The following AGRN variants were observed in gnomAD, a reference collection of about 807,000 sequenced individuals.
AGRN encodes agrin proteoglycan.
A neutral mutation model predicts 211.0 loss-of-function variants in AGRN; 106 were observed. The observed-to-expected ratio is 0.50, with a 90% CI of 0.43 to 0.59. The LOEUF (loss-of-function observed/expected upper bound fraction) is 0.59. Among genes scored for constraint, AGRN ranks in the 20% least tolerant of loss-of-function variants. The probability of loss-of-function intolerance (pLI) is 0.00; values close to 1 mark genes in which losing one functional copy is unlikely to be tolerated. For missense variants in AGRN, 3,040 were observed against 2,982.6 expected (o/e 1.02, Z -0.45); for synonymous variants, 1,525 against 1,332.5 (o/e 1.14, Z -3.15).
rs182330925 is a variant in AGRN, at chr1:1,021,117, T to A, written c.201+744T>A. On this transcript the variant is annotated intron_variant, in intron 1 of 35. Coordinates refer to ENST00000379370, the MANE Select transcript of AGRN (RefSeq NM_198576.4). ...CAAAACCATCTCCTGGGACCAGAAA[T>A]CCACTCATTTCCCTCCACGGAGGTG... 2.1e-3 allele frequency among the ~76,000 whole-genome samples: 314 copies of A among 152,212 alleles called. 6 individuals carry two copies. The highest frequency in any genetic ancestry group is 0.02 in the Admixed American group (307 of 15,306).
chr1:1,052,424 A>G, intron 33 of AGRN: 1 of 304,410 alleles, frequency 3.3e-6, no homozygotes, highest in South Asian at 2.8e-5. Flanking sequence ...TGGGGGGGAC[A>G]TGTAGATATG....
chr1:1,029,628 CAT>C lies in AGRN; in HGVS notation c.464-5648_464-5647del, dbSNP rs749984630. On this transcript the variant is annotated intron_variant, in intron 2 of 35. Transcript: ENST00000379370. ...GCAGTGCATGGTGCTGTGAGATCAG[CAT>C]GTGTGTGTGTGTGTGCAGTGCATGG... Among the ~76,000 whole-genome samples the C allele has an allele frequency of 1.7e-3, 163 of 94,112 alleles. 25 individuals carry two copies. Among genetic ancestry groups the C allele is most frequent in the Middle Eastern group, 0.016 (3 of 184 alleles). 61.7% of individuals were successfully genotyped at this position (94,112 alleles called of 152,430 possible).
chr1:1,034,782 G>A, intron 2 of AGRN: 1 of 937,682 alleles, frequency 1.1e-6, no homozygotes, highest in Non-Finnish European at 1.3e-6. Flanking sequence ...GGAGGCCGCG[G>A]CGGGTCCGCG....
At position 1,053,966 on chromosome 1, in the gene AGRN, C is replaced by T. The variant is rs763082192; in HGVS notation, c.5865C>T (p.Val1955=). Residue 1955 remains valine, a synonymous_variant, in exon 34 of 36, where the codon GTC becomes GTT. Coordinates refer to ENST00000379370, the MANE Select transcript of AGRN (RefSeq NM_198576.4). ...TCAACACCAACCGCTGGTTGCGGGTCGTGGCACATAGGTGAGTAGGGAACC... is the reference window on the plus strand; with the variant it reads ...TCAACACCAACCGCTGGTTGCGGGTTGTGGCACATAGGTGAGTAGGGAACC... ...VPVNTNRWLR[V]VAHREQREGS... is the part of the protein sequence containing the mutation. 17 of 1,600,344 alleles carry T rather than the reference C, an allele frequency of 1.1e-5. No individual in the cohort carries two copies. Among genetic ancestry groups the T allele is most frequent in the Middle Eastern group, 1.9e-4 (1 of 5,152 alleles).
intron 2 of AGRN, among the ~76,000 whole-genome samples, chr1:1,027,181 G>T (rs1309343007): frequency 6.6e-6 from 1 of 152,242 alleles, no homozygotes; most frequent in African/African-American, 2.4e-5. Flanking sequence ...GAAGGGGCGT[G>T]CTGTGTCCTA....
chr1:1,020,264 GC>G lies in AGRN; in HGVS notation c.95del (p.Pro32ArgfsTer43). 1 of 1,467,158 alleles carries G rather than the reference GC, an allele frequency of 6.8e-7. No individual in the cohort carries two copies. Among genetic ancestry groups the G allele is most frequent in the South Asian group, 1.3e-5 (1 of 77,010 alleles). 90.9% of individuals were successfully genotyped at this position (1,467,158 alleles called of 1,614,324 possible). On this transcript the variant is annotated frameshift_variant, in exon 1 of 36. Transcript: ENST00000379370. LOFTEE classifies it high-confidence loss of function. ...ACVLPGAGGT[C>X]PERALERREE... ...GTCCTGCCCGGAGCCGGCGGGACAT[GC>G]CCGGAGCGCGCGCTGGAGCGGCGCG...
intron 3 of AGRN, among the ~76,000 whole-genome samples, chr1:1,038,409 T>C (rs1644851661): frequency 6.6e-6 from 1 of 152,192 alleles, no homozygotes; most frequent in African/African-American, 2.4e-5. Flanking sequence ...TAGGCTCCCA[T>C]CCCAGAGCTT....
chr1:1,022,070 T>C, intron 1 of AGRN, 131 bp from the exon 2 acceptor site: 1 of 1,202,222 alleles, frequency 8.3e-7, no homozygotes. Context: ...GCGGGCTGAC[T>C]CAGAGGTCTC....
chr1:1,041,437 C>T, intron 5 of AGRN, 40 bp downstream of exon 5: 5 of 1,553,102 alleles, frequency 3.2e-6, no homozygotes, highest in East Asian at 2.4e-5. Flanking sequence ...GCTCTGTGGG[C>T]GCGCGGCGAC....
At chr1:1,051,884 A>C in intron 33 of AGRN, 69 bp downstream of exon 33, 2 of 1,591,878 alleles carry the variant, frequency 1.3e-6, no homozygotes, top group Non-Finnish European at 1.7e-6. Context: ...GGACCCCCAC[A>C]CCAGGAGGGC....
chr1:1,035,180 G>GC (rs1378078297), intron 2 of AGRN, 97 bp from the exon 3 acceptor site: 1 of 1,183,486 alleles, frequency 8.4e-7, no homozygotes, highest in African/African-American at 1.6e-5. Context: ...GGGGGGGGGG[G>GC]GGTGGGCAGG....
chr1:1,041,210 C>T lies in AGRN; in HGVS notation c.765C>T (p.Phe255=). ...RDPCSNVTCS[F]GSTCARSADG... ...CCTGCTCCAACGTGACCTGCAGCTT[C>T]GGCAGCACCTGTGCGCGCTCGGCCG... The change falls in exon 5 of 36, where the codon TTC becomes TTT. Residue 255 remains phenylalanine (F), a synonymous_variant. Transcript: ENST00000379370. The T allele has an allele frequency of 1.4e-6, 2 of 1,470,352 alleles. No homozygotes were observed. The highest frequency in any genetic ancestry group is 9.0e-7 in the Non-Finnish European group (1 of 1,116,824). The allele number at this position is 1,470,352 out of a possible 1,614,324, so 91.1% of individuals were successfully genotyped here.
At chr1:1,028,320 G>GCCC (rs77046272) in intron 2 of AGRN, among the ~76,000 whole-genome samples, 2 of 105,106 alleles carry the variant, frequency 1.9e-5, no homozygotes, top group African/African-American at 8.1e-5. Context: ...GTGGGGAAAC[G>GCCC]CCCCCCCCCC....
chr1:1,040,722 C>T lies in AGRN; in HGVS notation c.569C>T (p.Pro190Leu), dbSNP rs1355320509. 7 of 1,546,272 alleles carry T rather than the reference C, an allele frequency of 4.5e-6. No individual in the cohort carries two copies. Among genetic ancestry groups the T allele is most frequent in the South Asian group, 1.2e-5 (1 of 84,040 alleles). The change falls in exon 4 of 36, where the codon CCG becomes CTG. Residue 190 changes from proline to leucine, a missense_variant. This residue lies in a region of AGRN where 1,498 missense variants were observed against 1,457.8 expected (regional missense o/e 1.03). Coordinates refer to ENST00000379370, the MANE Select transcript of AGRN (RefSeq NM_198576.4). Reference sequence around the variant, plus strand: ...GTGTGCGAGCCCAACGCGGAGGGGCCGGGCCGGGCGTCCTGCGTCTGCAAG... The same window carrying T: ...GTGTGCGAGCCCAACGCGGAGGGGCTGGGCCGGGCGTCCTGCGTCTGCAAG... ...GAVCEPNAEG[P>L]GRASCVCKKS...
Position 1,050,818 on chromosome 1 carries a change from G to C in AGRN, c.5234G>C (p.Arg1745Pro). 6.3e-7 allele frequency: 1 copy of C among 1,586,334 alleles called. No individual in the cohort carries two copies. Among genetic ancestry groups the C allele is most frequent in the East Asian group, 2.3e-5 (1 of 43,934 alleles). The change falls in exon 30 of 36, where the codon CGT becomes CCT. Residue 1745 changes from arginine to proline, a missense_variant. Coordinates refer to ENST00000379370, the MANE Select transcript of AGRN (RefSeq NM_198576.4). ...KGALRVGDGP[R>P]VLGESPVPHT... ...GCCCTGCGTGTGGGCGACGGCCCCC[G>C]TGTGTTGGGGGAGTCCCCGGTGAGT...
chr1:1,038,791 T>G (rs1009599200), intron 3 of AGRN, among the ~76,000 whole-genome samples: 1 of 152,096 alleles, frequency 6.6e-6, no homozygotes, highest in East Asian at 1.9e-4. Context: ...GCCCGTTGGA[T>G]TTGGACTGGG....
intron 6 of AGRN, 62 bp downstream of exon 6, chr1:1,041,764 C>A: frequency 7.1e-7 from 1 of 1,402,510 alleles, no homozygotes; most frequent in East Asian, 2.6e-5. Context: ...GCGGCTCCCC[C>A]GGGGGAGGGC....
In AGRN at chr1:1,050,494, C is replaced by T; in HGVS notation, c.5044C>T (p.Gln1682Ter). Residue 1682 changes from glutamine (Q) to a stop codon, truncating the protein, a stop_gained, in exon 29 of 36, where the codon CAG (glutamine) becomes TAG (stop). Transcript: ENST00000379370. LOFTEE classifies it high-confidence loss of function. ...CAGCGGCCTCCTGCTCTACAACGGG[C>T]AGAAGACGGACGGCAAGGGGGACTT... The part of the protein sequence containing the change: ...GPSGLLLYNG[Q>*]KTDGKGDFVS... 6.2e-7 allele frequency: 1 copy of T among 1,612,920 alleles called. No homozygotes were observed. Among genetic ancestry groups the T allele is most frequent in the South Asian group, 1.1e-5 (1 of 91,088 alleles).
In AGRN at chr1:1,045,796, C is replaced by G; in HGVS notation, c.2600C>G (p.Ser867Trp). 1 of 1,613,192 alleles carries G rather than the reference C, an allele frequency of 6.2e-7. No homozygotes were observed. Among genetic ancestry groups the G allele is most frequent in the Non-Finnish European group, 8.5e-7 (1 of 1,179,952 alleles). ...DDCEQMTGLCSCKPGVAGPKC... is the reference protein window; with the variant it reads ...DDCEQMTGLCWCKPGVAGPKC... ...TGTGAGCAGATGACGGGGCTGTGCT[C>G]GTGTAAGCCCGGGGTGGCTGGACCC... Residue 867 changes from serine to tryptophan, a missense_variant, in exon 15 of 36, where the codon TCG (serine) becomes TGG (tryptophan). Around this residue, in one of 3 missense-constraint regions of AGRN, gnomAD observed 1,498 missense variants for 1,457.8 expected, o/e 1.03. Coordinates refer to ENST00000379370, the MANE Select transcript of AGRN (RefSeq NM_198576.4).
Sources: gnomAD v4.1 joint callset for allele counts (sites outside exome capture counted in the v4.1 genomes callset) on GRCh38, gnomAD v4.1.1 for gene constraint, gnomAD v4.1.1 regional missense constraint, MANE v1.5 for transcripts, NCBI Gene and HGNC (gene_info 2026-07-23, HGNC 2026-07-21) for gene names.